The following STK10 variants were observed in gnomAD, a reference collection of about 807,000 sequenced individuals.
The protein encoded by STK10 is serine/threonine-protein kinase 10.
In STK10, 78 loss-of-function variants were observed where a neutral mutation model predicts 113.8. That is an observed-to-expected ratio of 0.69 (90% CI 0.57 to 0.83). STK10 has a LOEUF of 0.83. Among genes scored for constraint, STK10 ranks in the 40% least tolerant of loss-of-function variants. The probability of loss-of-function intolerance (pLI) is 0.00; values close to 1 mark genes in which losing one functional copy is unlikely to be tolerated. For synonymous variants in STK10, 465 were observed against 494.7 expected, an observed-to-expected ratio of 0.94 and a Z score of 0.80; for missense variants, 1,109 against 1,280.1, an observed-to-expected ratio of 0.87 and a Z score of 2.04.
intron 3 of STK10, among the ~76,000 whole-genome samples, chr5:172,121,259 G>T (rs1769504121): frequency 6.6e-6 from 1 of 151,980 alleles, no homozygotes; most frequent in Non-Finnish European, 1.5e-5. Context: ...TTGAACTCCT[G>T]ACCTCAGGTG....
chr5:172,105,561 C>T (rs1769081379), intron 7 of STK10, 95 bp downstream of exon 7: 1 of 1,326,848 alleles, frequency 7.5e-7, no homozygotes, highest in South Asian at 1.2e-5. Context: ...ATGCTGTTCC[C>T]TGGGCGGGGT....
intron 14 of STK10, 27 bp from the exon 15 acceptor site, chr5:172,057,500 T>C (rs1187377156): frequency 3.9e-6 from 6 of 1,539,256 alleles, no homozygotes; most frequent in African/African-American, 1.4e-5. Flanking sequence ...ACCGAGCTGG[T>C]GAGGTGCTGA....
chr5:172,083,178 G>T, intron 10 of STK10, 94 bp from the exon 11 acceptor site: 1 of 1,553,090 alleles, frequency 6.4e-7, no homozygotes. Context: ...TTGGATCATG[G>T]AGCAAAATCA....
chr5:172,110,851 A>T (rs1424863997), intron 4 of STK10, among the ~76,000 whole-genome samples: 2 of 152,158 alleles, frequency 1.3e-5, no homozygotes, highest in African/African-American at 4.8e-5. Context: ...GAAGATGGTG[A>T]TTCTTTCACC....
intron 13 of STK10, among the ~76,000 whole-genome samples, chr5:172,062,038 C>T (rs1767948851): frequency 1.3e-5 from 2 of 150,780 alleles, no homozygotes; most frequent in African/African-American, 2.4e-5. Flanking sequence ...AGTGCAATGG[C>T]GTGATCTCAG....
chr5:172,055,380 G>T (rs1767724886), intron 16 of STK10, among the ~76,000 whole-genome samples: 1 of 152,004 alleles, frequency 6.6e-6, no homozygotes. Flanking sequence ...TGTAGAGATG[G>T]GGTTTTGCTG....
intron 5 of STK10, among the ~76,000 whole-genome samples, chr5:172,107,483 A>G (rs147511481): frequency 2.0e-5 from 3 of 152,312 alleles, no homozygotes; most frequent in African/African-American, 7.2e-5. Flanking sequence ...TCACGAACTG[A>G]ATCCTGTTTT....
intron 12 of STK10, among the ~76,000 whole-genome samples, chr5:172,069,214 T>C (rs1768130103): frequency 6.6e-6 from 1 of 151,932 alleles, no homozygotes; most frequent in African/African-American, 2.4e-5. Flanking sequence ...ATAAATGCCA[T>C]AAACACCTCT....
chr5:172,119,757 G>A lies in STK10; in HGVS notation c.371-2127C>T, dbSNP rs538845508. On this transcript the variant is annotated intron_variant, in intron 3 of 18. Coordinates refer to ENST00000176763, the MANE Select transcript of STK10 (RefSeq NM_005990.4). ...CGGGCGCCTGTAGTCCCAGCTACTC[G>A]GGAGGCTGAGGCAGGAGAATGGCGT... Among the ~76,000 whole-genome samples the A allele has an allele frequency of 8.7e-3, 1,264 of 146,050 alleles. 39 individuals are homozygous for A. Among genetic ancestry groups the A allele is most frequent in the African/African-American group, 0.032 (1,211 of 38,188 alleles).
In STK10 at chr5:172,105,751, C is replaced by A. The variant is rs34162749; in HGVS notation, c.789-14G>T. Reference sequence around the variant, plus strand: ...AACTCTACAGACCTGGGAGGACAGGCGTCAGAGGTAAGCATGGAGGAGGCA... The same window carrying A: ...AACTCTACAGACCTGGGAGGACAGGAGTCAGAGGTAAGCATGGAGGAGGCA... On this transcript the variant is annotated splice_polypyrimidine_tract_variant and intron_variant, in intron 6 of 18. Transcript: ENST00000176763. 15,988 of 1,613,218 alleles carry A rather than the reference C, an allele frequency of 9.9e-3. 96 individuals carry two copies. Among genetic ancestry groups the A allele is most frequent in the Middle Eastern group, 0.014 (82 of 6,062 alleles).
At chr5:172,121,695 A>G (rs913930371) in intron 3 of STK10, among the ~76,000 whole-genome samples, 5 of 151,668 alleles carry the variant, frequency 3.3e-5, no homozygotes, top group African/African-American at 1.2e-4. Context: ...GGGGAACAAG[A>G]GCAAAACTCT....
At chr5:172,121,277 C>T (rs1471801290) in intron 3 of STK10, among the ~76,000 whole-genome samples, 4 of 151,930 alleles carry the variant, frequency 2.6e-5, no homozygotes, top group Non-Finnish European at 2.9e-5. Flanking sequence ...GTGATCCACC[C>T]GCCTCGGCCT....
In STK10 at chr5:172,082,258, G is replaced by A. The variant is rs576864086; in HGVS notation, c.1989+68C>T. 4.3e-5 allele frequency: 61 copies of A among 1,428,058 alleles called. No homozygotes were observed. The African/African-American group carries it at 8.7e-4, about 20-fold the overall frequency. The allele number at this position is 1,428,058 out of a possible 1,614,324, so 88.5% of individuals were successfully genotyped here. A position where few individuals can be genotyped will look rare whatever the true frequency, so the allele number is the denominator to read the frequency against. ...GCTGCCAAGGTGAGGTTGAGGCCAC[G>A]ATCACTTGCAACCAAGAAGGCCCCT... On this transcript the variant is annotated intron_variant, in intron 12 of 18. Coordinates refer to ENST00000176763, the MANE Select transcript of STK10 (RefSeq NM_005990.4). This position sits in a 1 kb window ranked among gnomAD's most constrained non-coding sequence, Gnocchi z 4.3.
chr5:172,096,901 AG>A (rs1768867711), intron 7 of STK10, among the ~76,000 whole-genome samples: 1 of 152,200 alleles, frequency 6.6e-6, no homozygotes, highest in Non-Finnish European at 1.5e-5. Flanking sequence ...CTTAGCCCAA[AG>A]TAGGGGCTCA....
chr5:172,071,204 C>A (rs1303349550), intron 12 of STK10, among the ~76,000 whole-genome samples: 1 of 85,166 alleles, frequency 1.2e-5, no homozygotes, highest in Non-Finnish European at 2.0e-5. Flanking sequence ...GTGAGACGCT[C>A]TCTATCTCAA....
chr5:172,141,532 T>C (rs376140385), intron 2 of STK10, among the ~76,000 whole-genome samples: 8 of 151,290 alleles, frequency 5.3e-5, no homozygotes, highest in East Asian at 3.9e-4. Context: ...AGTGAGCCGA[T>C]TGTGCCACTA....
rs17074269 is a variant in STK10 at position 172,064,613 on chromosome 5, C to T, written c.2082+107G>A. 3,186 of 1,144,348 alleles carry T rather than the reference C, an allele frequency of 2.8e-3. 61 individuals are homozygous for T. In the African/African-American group the frequency reaches 0.04, roughly 15 times the overall value. 70.9% of individuals were successfully genotyped at this position (1,144,348 alleles called of 1,614,324 possible). On this transcript the variant is annotated intron_variant, in intron 13 of 18. Transcript: ENST00000176763. ...TGAGGCCAGATTTAGGTATTCAGAA[C>T]GGGGTATTTGAGGGGCAGGGATTGG...
intron 10 of STK10, among the ~76,000 whole-genome samples, chr5:172,089,944 G>A (rs1365948386): frequency 6.6e-6 from 1 of 151,860 alleles, no homozygotes; most frequent in Non-Finnish European, 1.5e-5. Context: ...TGGGTGGAGG[G>A]GTGAGTGGGT....
intron 2 of STK10, among the ~76,000 whole-genome samples, chr5:172,146,098 C>T (rs1359468225): frequency 2.0e-5 from 3 of 152,322 alleles, no homozygotes; most frequent in Admixed American, 6.5e-5. Flanking sequence ...ATACGCCTTA[C>T]TTTTATTGTC....
Sources: gnomAD v4.1 joint callset for allele counts (sites outside exome capture counted in the v4.1 genomes callset) on GRCh38, gnomAD v4.1.1 for gene constraint, Gnocchi (gnomAD v3.1) non-coding constraint, MANE v1.5 for transcripts, NCBI Gene and HGNC (gene_info 2026-07-23, HGNC 2026-07-21) for gene names.